The following ABTB3 variants were observed in gnomAD, a reference collection of about 807,000 sequenced individuals.
ABTB3 encodes the protein ankyrin repeat- and BTB/POZ domain-containing protein 3.
At chr12:107,388,494 ATCT>A in the ABTB3 span, among the ~76,000 whole-genome samples, 57 of 114,926 alleles carry the variant, frequency 5.0e-4, no homozygotes, top group African/African-American at 1.9e-3. Context: ...CCTTCTCCTC[ATCT>A]TCTTCTCCCC....
the ABTB3 span, among the ~76,000 whole-genome samples, chr12:107,427,593 G>A: frequency 6.6e-6 from 1 of 152,130 alleles, no homozygotes; most frequent in South Asian, 2.1e-4. Flanking sequence ...GGCCTACTCA[G>A]ATAATACAGG....
the ABTB3 span, among the ~76,000 whole-genome samples, chr12:107,447,854 A>G: frequency 6.6e-6 from 1 of 152,126 alleles, no homozygotes; most frequent in South Asian, 2.1e-4. Context: ...ATTGCTTAGA[A>G]AGAACTTGAG....
the ABTB3 span, among the ~76,000 whole-genome samples, chr12:107,584,151 T>A: frequency 6.6e-6 from 1 of 152,262 alleles, no homozygotes; most frequent in Non-Finnish European, 1.5e-5. Flanking sequence ...TAATCTCATT[T>A]AATGTGACAT....
chr12:107,598,164 A>G, the ABTB3 span, among the ~76,000 whole-genome samples: 1 of 152,228 alleles, frequency 6.6e-6, no homozygotes, highest in Non-Finnish European at 1.5e-5. Flanking sequence ...ATGCTGGTAA[A>G]TGTTTAACAA....
At chr12:107,453,152 G>A in the ABTB3 span, among the ~76,000 whole-genome samples, 3 of 152,186 alleles carry the variant, frequency 2.0e-5, no homozygotes, top group African/African-American at 7.2e-5. Flanking sequence ...GGGGAGGCCA[G>A]GCTGGCTGGA....
At chr12:107,602,802 G>A in the ABTB3 span, among the ~76,000 whole-genome samples, 11 of 152,106 alleles carry the variant, frequency 7.2e-5, no homozygotes, top group African/African-American at 1.4e-4. Context: ...CCTCGGTGCC[G>A]CCTCCTTCCC....
At chr12:107,340,583 C>G in the ABTB3 span, among the ~76,000 whole-genome samples, 147 of 152,188 alleles carry the variant, frequency 9.7e-4, no homozygotes, top group African/African-American at 3.4e-3. Flanking sequence ...ACAGTTGGTA[C>G]CTGTGATGTG....
the ABTB3 span, chr12:107,581,285 T>C: frequency 6.9e-7 from 1 of 1,450,096 alleles, no homozygotes; most frequent in Non-Finnish European, 9.0e-7. Flanking sequence ...CGGCGTGGAC[T>C]GCGAGCCGCG....
chr12:107,367,115 T>C, the ABTB3 span, among the ~76,000 whole-genome samples: 1 of 152,240 alleles, frequency 6.6e-6, no homozygotes, highest in Non-Finnish European at 1.5e-5. Flanking sequence ...CTCATCAGAC[T>C]GCTTGCTTCT....
the ABTB3 span, among the ~76,000 whole-genome samples, chr12:107,326,798 A>G: frequency 6.6e-6 from 1 of 152,204 alleles, no homozygotes; most frequent in Non-Finnish European, 1.5e-5. Flanking sequence ...CCATTTGGAA[A>G]AGATAATCAT....
At chr12:107,534,003 C>G in the ABTB3 span, among the ~76,000 whole-genome samples, 2 of 152,110 alleles carry the variant, frequency 1.3e-5, no homozygotes, top group Admixed American at 6.5e-5. Flanking sequence ...AAACAACATG[C>G]TTCTAAATGA....
the ABTB3 span, among the ~76,000 whole-genome samples, chr12:107,479,332 C>T: frequency 6.6e-6 from 1 of 151,806 alleles, no homozygotes; most frequent in African/African-American, 2.4e-5. Context: ...TGTTAGGGCA[C>T]GAGGGTCTTT....
At chr12:107,477,710 G>A in the ABTB3 span, among the ~76,000 whole-genome samples, 1 of 152,084 alleles carries the variant, frequency 6.6e-6, no homozygotes, top group Non-Finnish European at 1.5e-5. Context: ...GTTTGCTATG[G>A]CAAGATAAAC....
chr12:107,354,506 T>C, the ABTB3 span, among the ~76,000 whole-genome samples: 1 of 152,230 alleles, frequency 6.6e-6, no homozygotes, highest in African/African-American at 2.4e-5. Context: ...TAATAGCTGG[T>C]CTTTTGTGTC....
At chr12:107,512,988 C>G in the ABTB3 span, among the ~76,000 whole-genome samples, 2 of 152,214 alleles carry the variant, frequency 1.3e-5, no homozygotes, top group African/African-American at 4.8e-5. Flanking sequence ...AACCAGGGTT[C>G]AAACCCAGGC....
At chr12:107,629,663 G>C in the ABTB3 span, among the ~76,000 whole-genome samples, 1 of 99,214 alleles carries the variant, frequency 1.0e-5, no homozygotes, top group Non-Finnish European at 1.9e-5. Context: ...GTCAGACCCT[G>C]CATGTGAAGA....
At chr12:107,536,198 T>A in the ABTB3 span, among the ~76,000 whole-genome samples, 1 of 152,148 alleles carries the variant, frequency 6.6e-6, no homozygotes, top group Non-Finnish European at 1.5e-5. Context: ...TCCAGAAGAA[T>A]GAAACCAGAT....
chr12:107,657,245 A>AC, the ABTB3 span, among the ~76,000 whole-genome samples: 1 of 152,038 alleles, frequency 6.6e-6, no homozygotes, highest in Non-Finnish European at 1.5e-5. Flanking sequence ...CCTGTAGTCC[A>AC]CCCCCTTGCT....
At chr12:107,584,414 G>T in the ABTB3 span, among the ~76,000 whole-genome samples, 2 of 152,220 alleles carry the variant, frequency 1.3e-5, no homozygotes, top group Non-Finnish European at 2.9e-5. Context: ...GGCAGAGCAG[G>T]TCTAGAATGG....
Sources: allele counts gnomAD v4.1 joint callset (sites outside exome capture counted in the v4.1 genomes callset), GRCh38; gene constraint gnomAD v4.1.1; transcripts MANE v1.5; gene names NCBI Gene and HGNC (gene_info 2026-07-23, HGNC 2026-07-21).